Variants in CTNND2 observed in about 807,000 individuals in gnomAD.
The protein encoded by CTNND2 is catenin delta 2, also known as catenin delta-2.
Under a neutral mutation model 144.4 loss-of-function variants are expected in CTNND2, and 22 were observed. That is an observed-to-expected ratio of 0.15 (90% CI 0.11 to 0.22). The LOEUF (loss-of-function observed/expected upper bound fraction) is 0.22. CTNND2 is among the 10% of genes least tolerant of loss of function. The pLI, the probability that CTNND2 is intolerant of heterozygous loss-of-function variation, is 1.00. For missense variants in CTNND2, 1,353 were observed against 1,618.8 expected, an observed-to-expected ratio of 0.84 and a Z score of 2.82; for synonymous variants, 751 against 695.6, an observed-to-expected ratio of 1.08 and a Z score of -1.25.
At chr5:11,687,270 C>T (rs959488825) in intron 2 of CTNND2, among the ~76,000 whole-genome samples, 3 of 152,246 alleles carry the variant, frequency 2.0e-5, no homozygotes, top group Non-Finnish European at 4.4e-5. Flanking sequence ...ATGACTGTCA[C>T]ATGTACCCAA....
At chr5:11,533,432 G>A (rs954105907) in intron 3 of CTNND2, among the ~76,000 whole-genome samples, 7 of 152,292 alleles carry the variant, frequency 4.6e-5, no homozygotes, top group Non-Finnish European at 8.8e-5. Flanking sequence ...AATGTTCCCC[G>A]GGCTGGCTTC....
At chr5:11,407,047 G>A (rs1434155964) in intron 5 of CTNND2, among the ~76,000 whole-genome samples, 1 of 151,956 alleles carries the variant, frequency 6.6e-6, no homozygotes, top group Non-Finnish European at 1.5e-5. Flanking sequence ...TATTTTGACT[G>A]ACAACATTTT....
intron 3 of CTNND2, among the ~76,000 whole-genome samples, chr5:11,457,308 G>A (rs1765816245): frequency 6.6e-6 from 1 of 152,018 alleles, no homozygotes; most frequent in African/African-American, 2.4e-5. Flanking sequence ...GAGTCTGAGG[G>A]AGGAGGATTG....
chr5:11,477,381 A>AT (rs34661817), intron 3 of CTNND2, among the ~76,000 whole-genome samples: 68,276 of 146,566 alleles, frequency 0.47, 16,232 homozygotes, highest in African/African-American at 0.62. Flanking sequence ...CACATCACCT[A>AT]TTTTTTTTTT....
chr5:11,701,756 A>G (rs994117574), intron 2 of CTNND2, among the ~76,000 whole-genome samples: 1 of 152,252 alleles, frequency 6.6e-6, no homozygotes, highest in East Asian at 1.9e-4. Context: ...GTCTTATAAA[A>G]TATATGAAGT....
At chr5:11,228,488 AT>A (rs1216853512) in intron 10 of CTNND2, among the ~76,000 whole-genome samples, 1,903 of 131,878 alleles carry the variant, frequency 0.014, 10 homozygotes, top group South Asian at 0.028. Flanking sequence ...CAGGTTATGG[AT>A]TTTTTTTTTT....
intron 6 of CTNND2, among the ~76,000 whole-genome samples, chr5:11,386,759 A>C (rs1759126077): frequency 6.6e-6 from 1 of 152,216 alleles, no homozygotes; most frequent in African/African-American, 2.4e-5. Context: ...TGTCCCCAGC[A>C]ACTAGAACAG....
At chr5:11,047,947 T>A (rs1431003217) in intron 16 of CTNND2, among the ~76,000 whole-genome samples, 1 of 152,184 alleles carries the variant, frequency 6.6e-6, no homozygotes, top group Non-Finnish European at 1.5e-5. Flanking sequence ...TCTGGTTAAC[T>A]TCAACTTCTC....
At chr5:11,849,873 T>G (rs909944475) in intron 1 of CTNND2, among the ~76,000 whole-genome samples, 1 of 152,096 alleles carries the variant, frequency 6.6e-6, no homozygotes, top group Non-Finnish European at 1.5e-5. Context: ...AATGGCTGAG[T>G]AGGAAAATCA....
At chr5:11,553,308 A>C (rs190591993) in intron 3 of CTNND2, among the ~76,000 whole-genome samples, 17 of 152,294 alleles carry the variant, frequency 1.1e-4, no homozygotes, top group Non-Finnish European at 1.5e-5. Context: ...GGTTGTCTAG[A>C]CTATATTATG....
chr5:11,352,974 C>T lies in CTNND2; in HGVS notation c.1373-6347G>A, dbSNP rs145742687. On this transcript the variant is annotated intron_variant, in intron 8 of 21. Transcript: ENST00000304623. ...ATGTATTTATATCTATTTAAATGTACATTTAGCACTGTGCATTTTAGTTGT... is the reference window on the plus strand; with the variant it reads ...ATGTATTTATATCTATTTAAATGTATATTTAGCACTGTGCATTTTAGTTGT... 3.4e-3 allele frequency among the ~76,000 whole-genome samples: 514 copies of T among 151,208 alleles called. 2 individuals carry two copies. Among genetic ancestry groups the T allele is most frequent in the Non-Finnish European group, 5.8e-3 (395 of 67,806 alleles).
chr5:11,720,809 C>G (rs116525623), intron 2 of CTNND2, among the ~76,000 whole-genome samples: 13 of 152,118 alleles, frequency 8.5e-5, no homozygotes. Context: ...TACCTCAGCT[C>G]ACTATTCTGC....
In CTNND2 at chr5:11,299,184, C is replaced by T. The variant is rs549223423; in HGVS notation, c.1628+47188G>A. On this transcript the variant is annotated intron_variant, in intron 9 of 21. Transcript: ENST00000304623. ...TTTAGTGAGGATCTGTTTTGTTTTC[C>T]TAGCTGTTCTTTGGTTTTGGACTGG... Among the ~76,000 whole-genome samples the T allele has an allele frequency of 2.0e-5, 3 of 152,240 alleles. No homozygotes were observed. The East Asian group carries it at 5.8e-4, about 29-fold the overall frequency.
intron 21 of CTNND2, among the ~76,000 whole-genome samples, chr5:10,976,080 C>T (rs1357043602): frequency 7.0e-6 from 1 of 142,112 alleles, no homozygotes; most frequent in African/African-American, 2.6e-5. Flanking sequence ...ACAGGTGACA[C>T]GTGTCACTGC....
chr5:11,218,310 G>C (rs2149859522), intron 10 of CTNND2, among the ~76,000 whole-genome samples: 1 of 152,186 alleles, frequency 6.6e-6, no homozygotes, highest in East Asian at 1.9e-4. Flanking sequence ...GAATTGACAA[G>C]CCAGCATCAT....
chr5:11,229,084 A>G (rs912746154), intron 10 of CTNND2, among the ~76,000 whole-genome samples: 6 of 152,212 alleles, frequency 3.9e-5, no homozygotes, highest in Admixed American at 2.0e-4. Flanking sequence ...TGATATAACA[A>G]AAAGTAATCA....
intron 3 of CTNND2, among the ~76,000 whole-genome samples, chr5:11,421,763 G>A (rs982569797): frequency 1.3e-5 from 2 of 152,054 alleles, no homozygotes; most frequent in Non-Finnish European, 2.9e-5. Context: ...CAAAGAGAGG[G>A]GCAGCACCAG....
chr5:11,410,197 C>T (rs183799045), intron 5 of CTNND2, among the ~76,000 whole-genome samples: 48 of 152,094 alleles, frequency 3.2e-4, no homozygotes, highest in Non-Finnish European at 5.4e-4. Flanking sequence ...AAAGAGGTAA[C>T]GATTAGACAT....
At chr5:11,553,418 A>G (rs1471244545) in intron 3 of CTNND2, among the ~76,000 whole-genome samples, 2 of 152,248 alleles carry the variant, frequency 1.3e-5, no homozygotes, top group African/African-American at 4.8e-5. Flanking sequence ...AGAGACTTCA[A>G]TGAAAGATGT....
Sources: gnomAD v4.1 joint callset for allele counts (sites outside exome capture counted in the v4.1 genomes callset) on GRCh38, gnomAD v4.1.1 for gene constraint, MANE v1.5 for transcripts, NCBI Gene and HGNC (gene_info 2026-07-23, HGNC 2026-07-21) for gene names.